The following ARHGAP32 variants were observed in gnomAD, a reference collection of about 807,000 sequenced individuals.
The protein encoded by ARHGAP32 is Rho GTPase activating protein 32.
Under a neutral mutation model 186.5 loss-of-function variants are expected in ARHGAP32, and 51 were observed. That is an observed-to-expected ratio of 0.27 (90% CI 0.22 to 0.35). The LOEUF (loss-of-function observed/expected upper bound fraction) is 0.35. ARHGAP32 is among the 10% of genes least tolerant of loss of function. ARHGAP32 has a pLI of 1.00. For synonymous variants in ARHGAP32, 950 were observed against 964.3 expected, an observed-to-expected ratio of 0.99 and a Z score of 0.27; for missense variants, 2,186 against 2,623.5, an observed-to-expected ratio of 0.83 and a Z score of 3.64.
chr11:129,119,164 C>T (rs1431096160), intron 5 of ARHGAP32, among the ~76,000 whole-genome samples: 3 of 151,986 alleles, frequency 2.0e-5, no homozygotes, highest in African/African-American at 4.8e-5. Flanking sequence ...GGAACATTAG[C>T]TGTCACCTAG....
intron 1 of ARHGAP32, among the ~76,000 whole-genome samples, chr11:129,272,035 T>C (rs1945479935): frequency 6.6e-6 from 1 of 152,108 alleles, no homozygotes; most frequent in Admixed American, 6.5e-5. Context: ...ATTCATATGA[T>C]GAGCTCAAAT....
At chr11:129,212,351 G>C (rs1445617058) in intron 1 of ARHGAP32, among the ~76,000 whole-genome samples, 1 of 151,982 alleles carries the variant, frequency 6.6e-6, no homozygotes, top group South Asian at 2.1e-4. Context: ...TGAAAATAAG[G>C]CTCTCACTGT....
At chr11:129,093,796 A>G (rs772953442) in intron 5 of ARHGAP32, 89 bp from the exon 6 acceptor site, 13 of 872,034 alleles carry the variant, frequency 1.5e-5, no homozygotes, top group Non-Finnish European at 2.4e-5. Context: ...CTGGAGCATC[A>G]TCTCCGGGTG....
At position 128,965,481 on chromosome 11, in the gene ARHGAP32, AG is replaced by A. The variant is rs1295886486; in HGVS notation, c.*3425del. The A allele has an allele frequency of 6.6e-6, 1 of 152,216 alleles. No individual in the cohort carries two copies. The allele number at this position is 152,216 out of a possible 1,614,324, so 9.4% of individuals were successfully genotyped here. On this transcript the variant is annotated 3_prime_UTR_variant, in exon 23 of 23. Coordinates refer to ENST00000682385, the MANE Select transcript of ARHGAP32 (RefSeq NM_001378024.1). ...TTGAAAAATCAGGTTTTGCTATCTCAGAATCTAAACTGTAAAACCATTTTTA... is the reference window on the plus strand; with the variant it reads ...TTGAAAAATCAGGTTTTGCTATCTCAAATCTAAACTGTAAAACCATTTTTA...
chr11:129,206,713 T>C (rs868441927), intron 1 of ARHGAP32, among the ~76,000 whole-genome samples: 1 of 152,134 alleles, frequency 6.6e-6, no homozygotes, highest in Admixed American at 6.6e-5. Flanking sequence ...AGTGTTGTTC[T>C]ATGGGTTCCT....
rs1945362467 is a variant in ARHGAP32, at chr11:128,971,250, T to C, written c.4054-91A>G. On this transcript the variant is annotated intron_variant, in intron 22 of 22. Transcript: ENST00000682385. Reference sequence around the variant, plus strand: ...TTTGTAACTCACAAATTAAGGCTGGTTGGGTAGCAGCTTGAACTTTCCCAA... The same window carrying C: ...TTTGTAACTCACAAATTAAGGCTGGCTGGGTAGCAGCTTGAACTTTCCCAA... 1.0e-5 allele frequency: 12 copies of C among 1,176,500 alleles called. No individual in the cohort carries two copies. The South Asian group carries it at 1.9e-4, about 19-fold the overall frequency. The allele number at this position is 1,176,500 out of a possible 1,614,324, so 72.9% of individuals were successfully genotyped here.
intron 10 of ARHGAP32, among the ~76,000 whole-genome samples, chr11:129,042,801 G>A (rs1057246905): frequency 1.3e-5 from 2 of 152,132 alleles, no homozygotes; most frequent in African/African-American, 2.4e-5. Flanking sequence ...TGTAGTCTCC[G>A]GTGTGAGTCC....
At chr11:129,156,133 G>A (rs1385853729) in intron 2 of ARHGAP32, among the ~76,000 whole-genome samples, 2 of 152,212 alleles carry the variant, frequency 1.3e-5, no homozygotes, top group Non-Finnish European at 2.9e-5. Flanking sequence ...ACACCACCAG[G>A]ACCCTGGTTT....
At chr11:128,983,869 G>A (rs1442461453) in intron 15 of ARHGAP32, among the ~76,000 whole-genome samples, 4 of 152,080 alleles carry the variant, frequency 2.6e-5, no homozygotes, top group Non-Finnish European at 5.9e-5. Context: ...ATTTTAGTCA[G>A]GATTCCACAA....
chr11:129,256,471 T>C (rs1227102106), intron 1 of ARHGAP32, among the ~76,000 whole-genome samples: 1 of 152,086 alleles, frequency 6.6e-6, no homozygotes, highest in African/African-American at 2.4e-5. Context: ...ATAGATTATG[T>C]AGCAAGATGA....
chr11:129,110,423 G>A (rs1591623626), intron 5 of ARHGAP32, among the ~76,000 whole-genome samples: 1 of 152,086 alleles, frequency 6.6e-6, no homozygotes, highest in East Asian at 1.9e-4. Context: ...GGCTATTCAG[G>A]TTCTGTTTTG....
intron 20 of ARHGAP32, among the ~76,000 whole-genome samples, chr11:128,975,943 T>C (rs1246292080): frequency 6.6e-6 from 1 of 152,014 alleles, no homozygotes; most frequent in Non-Finnish European, 1.5e-5. Context: ...CCGGGCATGG[T>C]GGCGCATGCC....
Position 129,241,811 on chromosome 11 carries a change from C to T in ARHGAP32, c.-5+37335G>A, listed in dbSNP as rs1050321477. 2.0e-5 allele frequency among the ~76,000 whole-genome samples: 3 copies of T among 152,132 alleles called. No individual in the cohort carries two copies. In the South Asian group the frequency reaches 6.2e-4, roughly 31 times the overall value. ...CCAATGACATACTAAATCCAAGATG[C>T]TGCCTCTCCAGAAAAAGACAAAAAT... On this transcript the variant is annotated intron_variant, in intron 1 of 6. Coordinates refer to the ARHGAP32 transcript ENST00000525234.
chr11:129,252,010 C>T (rs1160355358), intron 1 of ARHGAP32, among the ~76,000 whole-genome samples: 6 of 151,296 alleles, frequency 4.0e-5, no homozygotes, highest in Non-Finnish European at 8.8e-5. Flanking sequence ...GTCACCACTA[C>T]AGAAAAAGTA....
intron 2 of ARHGAP32, among the ~76,000 whole-genome samples, chr11:129,162,145 AG>A (rs1283434704): frequency 6.6e-6 from 1 of 152,036 alleles, no homozygotes; most frequent in Non-Finnish European, 1.5e-5. Flanking sequence ...GGGGCCTGTC[AG>A]GGGGTGGGGG....
intron 6 of ARHGAP32, among the ~76,000 whole-genome samples, chr11:129,075,400 C>T (rs945679978): frequency 2.0e-5 from 3 of 152,074 alleles, no homozygotes; most frequent in African/African-American, 4.8e-5. Context: ...AAATGGGGCA[C>T]TCAGTAATGT....
rs1591490140 is a variant in ARHGAP32, at chr11:128,976,498, C to T, written c.2194+65G>A. 3.1e-6 allele frequency: 4 copies of T among 1,273,956 alleles called. No homozygotes were observed. The East Asian group carries it at 7.0e-5, about 22-fold the overall frequency. 78.9% of individuals were successfully genotyped at this position (1,273,956 alleles called of 1,614,324 possible). ...TTAAGCACAGATATATAAAAATATA[C>T]TCAATTGCAGTATTCCTTTATGCAA... On this transcript the variant is annotated intron_variant, in intron 20 of 22. Coordinates refer to ENST00000682385, the MANE Select transcript of ARHGAP32 (RefSeq NM_001378024.1).
chr11:129,234,853 T>C (rs1490268418), intron 1 of ARHGAP32, among the ~76,000 whole-genome samples: 1 of 152,130 alleles, frequency 6.6e-6, no homozygotes, highest in East Asian at 1.9e-4. Context: ...CACAGGTAGT[T>C]GTTCTTCTAT....
chr11:128,970,468 G>A lies in ARHGAP32; in HGVS notation c.4745C>T (p.Thr1582Ile), dbSNP rs749174548. The A allele has an allele frequency of 1.2e-5, 19 of 1,614,056 alleles. No individual in the cohort carries two copies. Among genetic ancestry groups the A allele is most frequent in the Middle Eastern group, 1.6e-4 (1 of 6,084 alleles). Residue 1582 changes from threonine to isoleucine, a missense_variant, in exon 23 of 23, where the codon ACC (threonine) becomes ATC (isoleucine). Physicochemically the swap from Thr to Ile is moderately conservative, Grantham distance 89. Transcript: ENST00000682385. The surrounding 1 kb of genome is among the most constrained non-coding windows in gnomAD (Gnocchi z 5.8). ...VSSLSSSVRNTCYPEDIPPYP... is the reference protein window; with the variant it reads ...VSSLSSSVRNICYPEDIPPYP... ...CGGTGGAATGTCTTCGGGGTAACAG[G>A]TATTCCTGACAGAGGAGCTCAAAGA...
Sources: gnomAD v4.1 joint callset for allele counts (sites outside exome capture counted in the v4.1 genomes callset) on GRCh38, gnomAD v4.1.1 for gene constraint, Gnocchi (gnomAD v3.1) non-coding constraint, MANE v1.5 for transcripts, NCBI Gene and HGNC (gene_info 2026-07-23, HGNC 2026-07-21) for gene names.